The following STK10 variants were observed in gnomAD, a reference collection of about 807,000 sequenced individuals.
STK10 encodes serine/threonine kinase 10.
Under a neutral mutation model 113.8 loss-of-function variants are expected in STK10, and 78 were observed. That is an observed-to-expected ratio of 0.69 (90% confidence interval 0.57 to 0.83). STK10 has a LOEUF of 0.83. Ranked by LOEUF, STK10 falls within the 40% of genes least tolerant of loss-of-function variation. The pLI, the probability that STK10 is intolerant of heterozygous loss-of-function variation, is 0.00. For synonymous variants in STK10, 465 were observed against 494.7 expected, an observed-to-expected ratio of 0.94 and a Z score of 0.80; for missense variants, 1,109 against 1,280.1, an observed-to-expected ratio of 0.87 and a Z score of 2.04.
chr5:172,123,096 G>T (rs1349411693), intron 3 of STK10, among the ~76,000 whole-genome samples: 4 of 152,298 alleles, frequency 2.6e-5, no homozygotes, highest in Non-Finnish European at 5.9e-5. Flanking sequence ...GAGAAACCTG[G>T]AATGGACCTC....
intron 14 of STK10, among the ~76,000 whole-genome samples, chr5:172,060,764 TGTTAG>T (rs1767914960): frequency 6.6e-6 from 1 of 152,226 alleles, no homozygotes; most frequent in Non-Finnish European, 1.5e-5. Context: ...TGCCTCACAG[TGTTAG>T]GTGAGGATTT....
At chr5:172,080,006 C>G (rs61617364) in intron 12 of STK10, among the ~76,000 whole-genome samples, 3,986 of 152,180 alleles carry the variant, frequency 0.026, 175 homozygotes, top group African/African-American at 0.091. Context: ...AACTCTGTGT[C>G]GAGCAAGTCT....
chr5:172,187,749 G>T lies in STK10; in HGVS notation c.156+138C>A. The T allele has an allele frequency of 7.7e-7, 1 of 1,298,706 alleles. No individual in the cohort carries two copies. The allele number at this position is 1,298,706 out of a possible 1,614,324, so 80.4% of individuals were successfully genotyped here. On this transcript the variant is annotated intron_variant, in intron 1 of 18. Transcript: ENST00000176763. The surrounding 1 kb of genome is among the most constrained non-coding windows in gnomAD (Gnocchi z 4.6). ...TTCCCCCCAAAAAACAAGAGTCATCGGGATGAGGGCCAGGGACCCCGAATT... is the reference window on the plus strand; with the variant it reads ...TTCCCCCCAAAAAACAAGAGTCATCTGGATGAGGGCCAGGGACCCCGAATT...
rs1290265277 is a variant in STK10 at position 172,120,088 on chromosome 5, G to GC, written c.371-2459dup. 2.0e-5 allele frequency among the ~76,000 whole-genome samples: 3 copies of GC among 152,014 alleles called. No homozygotes were observed. The highest frequency in any genetic ancestry group is 7.2e-5 in the African/African-American group (3 of 41,386). On this transcript the variant is annotated intron_variant, in intron 3 of 18. Transcript: ENST00000176763. The surrounding 1 kb of genome is among the most constrained non-coding windows in gnomAD (Gnocchi z 4.0). Reference sequence around the variant, plus strand: ...GGAGTGAGAAGATTCCAAGGTGACAGCCTTGTGCTCTGCGTCCCACAGGAC... The same window carrying GC: ...GGAGTGAGAAGATTCCAAGGTGACAGCCCTTGTGCTCTGCGTCCCACAGGAC...
chr5:172,132,814 G>C (rs1769783750), intron 2 of STK10, among the ~76,000 whole-genome samples: 1 of 152,102 alleles, frequency 6.6e-6, no homozygotes, highest in Non-Finnish European at 1.5e-5. Flanking sequence ...GCAAGCCTGG[G>C]GACTGAGGAC....
chr5:172,060,713 C>T (rs1229634118), intron 14 of STK10, among the ~76,000 whole-genome samples: 2 of 152,210 alleles, frequency 1.3e-5, no homozygotes, highest in Non-Finnish European at 2.9e-5. Flanking sequence ...CTCTCCAAGC[C>T]TCAGTTTCCT....
Position 172,081,532 on chromosome 5 carries a change from G to A in STK10, c.1989+794C>T, listed in dbSNP as rs138887895. ...GAACCAAACCCACAGTATCTCCGAGGTATATCTGTGCCTAAGGTGACTGCC... is the reference window on the plus strand; with the variant it reads ...GAACCAAACCCACAGTATCTCCGAGATATATCTGTGCCTAAGGTGACTGCC... On this transcript the variant is annotated intron_variant, in intron 12 of 18. Transcript: ENST00000176763. 1.4e-3 allele frequency among the ~76,000 whole-genome samples: 208 copies of A among 152,214 alleles called. 2 individuals carry two copies. Among genetic ancestry groups the A allele is most frequent in the African/African-American group, 4.8e-3 (199 of 41,528 alleles).
Position 172,054,502 on chromosome 5 carries a change from G to A in STK10, c.2652+67C>T, listed in dbSNP as rs967778446. 4.4e-6 allele frequency: 7 copies of A among 1,576,704 alleles called. No homozygotes were observed. The African/African-American group carries it at 8.0e-5, about 18-fold the overall frequency. On this transcript the variant is annotated intron_variant, in intron 17 of 18. Coordinates refer to ENST00000176763, the MANE Select transcript of STK10 (RefSeq NM_005990.4). ...CCTGCTGTGGAGTTTCTGGCCCCCTGAGATCTGATGGCCTTGGGGAAACTG... is the reference window on the plus strand; with the variant it reads ...CCTGCTGTGGAGTTTCTGGCCCCCTAAGATCTGATGGCCTTGGGGAAACTG...
chr5:172,118,657 G>A (rs1170051430), intron 3 of STK10, among the ~76,000 whole-genome samples: 1 of 151,890 alleles, frequency 6.6e-6, no homozygotes, highest in Non-Finnish European at 1.5e-5. Flanking sequence ...AGGCGGGGGG[G>A]ATCACGAGGT....
At chr5:172,151,354 T>A (rs1300554111) in intron 2 of STK10, among the ~76,000 whole-genome samples, 3 of 152,004 alleles carry the variant, frequency 2.0e-5, no homozygotes, top group African/African-American at 7.2e-5. Context: ...TTCTTTTTTT[T>A]TTTTAATTGA....
At chr5:172,186,756 C>A (rs1770960275) in intron 1 of STK10, among the ~76,000 whole-genome samples, 1 of 152,204 alleles carries the variant, frequency 6.6e-6, no homozygotes, top group Non-Finnish European at 1.5e-5. Context: ...CGGGGCTGGG[C>A]ATGAGATTGT....
chr5:172,148,439 G>C (rs899427507), intron 2 of STK10, among the ~76,000 whole-genome samples: 2 of 152,168 alleles, frequency 1.3e-5, no homozygotes, highest in Admixed American at 1.3e-4. Flanking sequence ...GCGAATCCTG[G>C]AATGACAATC....
chr5:172,057,027 A>AAG (rs1255108912), intron 15 of STK10: 1 of 177,482 alleles, frequency 5.6e-6, no homozygotes, highest in African/African-American at 2.5e-5. Context: ...GAAAGAAAGA[A>AAG]AGAAAGAAAG....
At chr5:172,144,640 C>T (rs558261155) in intron 2 of STK10, among the ~76,000 whole-genome samples, 19 of 152,302 alleles carry the variant, frequency 1.2e-4, no homozygotes, top group African/African-American at 4.1e-4. Flanking sequence ...GTTCCTCCAC[C>T]CCCAGCCTCA....
intron 1 of STK10, among the ~76,000 whole-genome samples, chr5:172,174,531 G>A (rs1414813281): frequency 6.6e-6 from 1 of 152,124 alleles, no homozygotes; most frequent in Admixed American, 6.6e-5. Context: ...TCCAAATGCA[G>A]GGGACACAAA....
intron 1 of STK10, among the ~76,000 whole-genome samples, chr5:172,172,614 T>C (rs1186712037): frequency 1.3e-5 from 2 of 152,206 alleles, no homozygotes; most frequent in Admixed American, 6.5e-5. Context: ...GTGACATCAC[T>C]TGCCCAGGGT....
chr5:172,099,219 C>T (rs1219557824), intron 7 of STK10, among the ~76,000 whole-genome samples: 1 of 152,122 alleles, frequency 6.6e-6, no homozygotes, highest in East Asian at 1.9e-4. Flanking sequence ...TCACCCCCGT[C>T]AGCAGCAGGA....
intron 4 of STK10, among the ~76,000 whole-genome samples, chr5:172,112,561 C>T (rs1351988328): frequency 1.3e-5 from 2 of 150,948 alleles, no homozygotes; most frequent in African/African-American, 4.9e-5. Flanking sequence ...GCTGGCACTA[C>T]AGGCACCTGC....
chr5:172,100,660 G>A (rs1469682199), intron 7 of STK10, among the ~76,000 whole-genome samples: 2 of 152,000 alleles, frequency 1.3e-5, no homozygotes, highest in Non-Finnish European at 2.9e-5. Context: ...GGTGGCAGGC[G>A]TCTGTAATCC....
Sources: gnomAD v4.1 joint callset for allele counts (sites outside exome capture counted in the v4.1 genomes callset) on GRCh38, gnomAD v4.1.1 for gene constraint, Gnocchi (gnomAD v3.1) non-coding constraint, MANE v1.5 for transcripts, NCBI Gene and HGNC (gene_info 2026-07-23, HGNC 2026-07-21) for gene names.